Variants in HTR2A observed in about 807,000 individuals in gnomAD.
The protein encoded by HTR2A is 5-hydroxytryptamine receptor 2A, also known as 5-HT2 receptor.
Under a neutral mutation model 31.0 loss-of-function variants are expected in HTR2A, and 14 were observed. The ratio of observed to expected loss-of-function variants is 0.45; its 90% CI spans 0.30 to 0.71. HTR2A has a LOEUF of 0.71. Ranked by LOEUF, HTR2A falls within the 30% of genes least tolerant of loss-of-function variation. The pLI is 0.09. For missense variants in HTR2A, 442 were observed against 573.3 expected (o/e 0.77, Z 2.34); for synonymous variants, 209 against 225.2 (o/e 0.93, Z 0.64).
rs1253442386 is a variant in HTR2A at position 46,832,181 on chromosome 13, T to G, written c.*2656A>C. ...TTCCAGTTTATTTAAAGAGCTGATA[T>G]TTTTGTTACACTTTAATCTGCTTTG... On this transcript the variant is annotated 3_prime_UTR_variant, in exon 4 of 4. Transcript: ENST00000542664. 6.6e-6 allele frequency: 1 copy of G among 152,262 alleles called. No individual in the cohort carries two copies. The highest frequency in any genetic ancestry group is 1.5e-5 in the Non-Finnish European group (1 of 68,046). The allele number at this position is 152,262 out of a possible 1,614,324, so 9.4% of individuals were successfully genotyped here.
At chr13:46,856,823 A>G (rs1950741751) in intron 3 of HTR2A, among the ~76,000 whole-genome samples, 1 of 152,198 alleles carries the variant, frequency 6.6e-6, no homozygotes, top group South Asian at 2.1e-4. Context: ...AAACTTGTCC[A>G]AAACAGCCAC....
At chr13:46,869,380 G>A (rs1225927019) in intron 3 of HTR2A, among the ~76,000 whole-genome samples, 1 of 152,106 alleles carries the variant, frequency 6.6e-6, no homozygotes, top group Admixed American at 6.6e-5. Context: ...ATCACAATGA[G>A]ATAACCACTT....
intron 3 of HTR2A, among the ~76,000 whole-genome samples, chr13:46,885,911 TTCTC>T (rs1172693491): frequency 3.9e-5 from 6 of 152,278 alleles, no homozygotes; most frequent in African/African-American, 1.2e-4. Context: ...AGTTTGCTTA[TTCTC>T]TCTGTTAGAT....
At chr13:46,843,207 C>T (rs1376951456) in intron 3 of HTR2A, among the ~76,000 whole-genome samples, 2 of 152,130 alleles carry the variant, frequency 1.3e-5, no homozygotes, top group African/African-American at 4.8e-5. Context: ...GTGAGGTTGG[C>T]ATATTGTTAT....
chr13:46,870,857 C>G (rs1950858787), intron 3 of HTR2A, among the ~76,000 whole-genome samples: 1 of 152,026 alleles, frequency 6.6e-6, no homozygotes, highest in African/African-American at 2.4e-5. Flanking sequence ...TTATTTAACT[C>G]CAATATTTCA....
At chr13:46,852,090 G>A (rs1011027078) in intron 3 of HTR2A, 3 of 152,300 alleles carry the variant, frequency 2.0e-5, no homozygotes, top group African/African-American at 7.2e-5. Context: ...CGTGGGCCAA[G>A]GAGTGTAGGT....
At chr13:46,844,579 A>AATCAG (rs1192636521) in intron 3 of HTR2A, among the ~76,000 whole-genome samples, 1 of 152,184 alleles carries the variant, frequency 6.6e-6, no homozygotes, top group Non-Finnish European at 1.5e-5. Flanking sequence ...GCCTAGTGAG[A>AATCAG]ATCAGGAGAC....
intron 3 of HTR2A, among the ~76,000 whole-genome samples, chr13:46,851,819 G>A (rs934125795): frequency 2.8e-4 from 43 of 152,348 alleles, no homozygotes; most frequent in African/African-American, 9.4e-4. Flanking sequence ...GGTCCCCAAA[G>A]ATGCCTACGC....
At chr13:46,848,552 G>A (rs749231233) in intron 3 of HTR2A, among the ~76,000 whole-genome samples, 10 of 152,200 alleles carry the variant, frequency 6.6e-5, no homozygotes, top group Non-Finnish European at 1.5e-4. Context: ...GGTCTTCACA[G>A]ATGTCAGCAC....
Position 46,835,142 on chromosome 13 carries a change from G to T in HTR2A, c.1111C>A (p.Leu371Ile). Residue 371 changes from leucine (L) to isoleucine (I), a missense_variant, in exon 4 of 4, where the codon CTC becomes ATC. This residue lies in a region of HTR2A where 174 missense variants were observed against 195.1 expected (regional missense o/e 0.89). Coordinates refer to ENST00000542664, the MANE Select transcript of HTR2A (RefSeq NM_000621.5). ...ACTAGTGGGTTGACTGCTGAAGAGA[G>T]ATAACCGATCCAAACAAACACATTG... is the stretch of plus-strand genomic sequence containing the variant. ...LLNVFVWIGY[L>I]SSAVNPLVYT... is the part of the protein sequence containing the mutation. 6.2e-7 allele frequency: 1 copy of T among 1,613,948 alleles called. No individual in the cohort carries two copies.
At chr13:46,887,282 G>A (rs963070482) in intron 3 of HTR2A, among the ~76,000 whole-genome samples, 1 of 151,996 alleles carries the variant, frequency 6.6e-6, no homozygotes, top group Non-Finnish European at 1.5e-5. Flanking sequence ...ATTTAGCCGG[G>A]TGTGGTGGCG....
intron 3 of HTR2A, among the ~76,000 whole-genome samples, chr13:46,878,115 C>G (rs1379191471): frequency 6.6e-6 from 1 of 152,146 alleles, no homozygotes; most frequent in Non-Finnish European, 1.5e-5. Context: ...TTAGTTAAAC[C>G]TGTTTCATAT....
At chr13:46,863,630 G>GAAAAAAAAAAAAAAAAAAAAAAAAAAAAA (rs59693757) in intron 3 of HTR2A, among the ~76,000 whole-genome samples, 9 of 59,254 alleles carry the variant, frequency 1.5e-4, no homozygotes, top group Admixed American at 5.3e-4. Flanking sequence ...CCCTCAAAAT[G>GAAAAAAAAAAAAAAAAAAAAAAAAAAAAA]AAAAAAAAAA....
chr13:46,867,572 T>G (rs1328674), intron 3 of HTR2A, among the ~76,000 whole-genome samples: 1 of 152,186 alleles, frequency 6.6e-6, no homozygotes, highest in Non-Finnish European at 1.5e-5. Flanking sequence ...GAAGGATTTT[T>G]GAATAGTGAA....
chr13:46,840,176 T>G (rs1479599870), intron 3 of HTR2A, among the ~76,000 whole-genome samples: 1 of 152,176 alleles, frequency 6.6e-6, no homozygotes, highest in Non-Finnish European at 1.5e-5. Context: ...AAGAACAAAT[T>G]TACTAGTAGT....
At chr13:46,848,523 A>G (rs568108274) in intron 3 of HTR2A, among the ~76,000 whole-genome samples, 2 of 152,342 alleles carry the variant, frequency 1.3e-5, no homozygotes, top group Admixed American at 6.5e-5. Context: ...GGTGTCCACA[A>G]TGCAACAGAC....
chr13:46,893,949 T>G (rs1951076881), intron 2 of HTR2A, among the ~76,000 whole-genome samples: 1 of 152,110 alleles, frequency 6.6e-6, no homozygotes, highest in Admixed American at 6.5e-5. Flanking sequence ...GCCATTCACA[T>G]GTATTATTTG....
chr13:46,865,641 A>T (rs61948318), intron 3 of HTR2A, among the ~76,000 whole-genome samples: 28,327 of 152,214 alleles, frequency 0.19, 3,048 homozygotes, highest in South Asian at 0.3. Flanking sequence ...CCATGTGTGT[A>T]CTGACCACTG....
At chr13:46,883,949 T>C (rs1015772159) in intron 3 of HTR2A, among the ~76,000 whole-genome samples, 6 of 152,214 alleles carry the variant, frequency 3.9e-5, no homozygotes, top group Admixed American at 1.3e-4. Flanking sequence ...CTGATAATGG[T>C]GAGCAAGGGG....
Sources: allele counts gnomAD v4.1 joint callset (sites outside exome capture counted in the v4.1 genomes callset), GRCh38; gene constraint gnomAD v4.1.1; regional missense constraint gnomAD v4.1.1; transcripts MANE v1.5; gene names NCBI Gene and HGNC (gene_info 2026-07-23, HGNC 2026-07-21).